Variants in CHSY3 observed in about 807,000 individuals in gnomAD.
The protein encoded by CHSY3 is chondroitin sulfate synthase 3, also known as N-acetylgalactosaminyl-proteoglycan 3-beta-glucuronosyltransferase 3.
In CHSY3, 35 loss-of-function variants were observed where a neutral mutation model predicts 67.2. That is an observed-to-expected ratio of 0.52 (90% CI 0.40 to 0.69). The LOEUF is 0.69. Ranked by LOEUF, CHSY3 falls within the 30% of genes least tolerant of loss-of-function variation. CHSY3 has a pLI of 0.00. For missense variants in CHSY3, 1,069 were observed against 1,138.5 expected, an observed-to-expected ratio of 0.94 and a Z score of 0.88; for synonymous variants, 474 against 434.7, an observed-to-expected ratio of 1.09 and a Z score of -1.12.
Position 129,951,847 on chromosome 5 carries a change from A to C in CHSY3, c.1086+43487A>C, listed in dbSNP as rs150150206. ...CAGGTATGTAATATTTTTTTAAATT[A>C]TCTGTTTTGGCAAACAATGTAATTA... On this transcript the variant is annotated intron_variant, in intron 2 of 2. Coordinates refer to ENST00000305031, the MANE Select transcript of CHSY3 (RefSeq NM_175856.5). 2.1e-3 allele frequency among the ~76,000 whole-genome samples: 319 copies of C among 152,324 alleles called. 1 individual carries two copies. The highest frequency in any genetic ancestry group is 6.5e-3 in the African/African-American group (269 of 41,572).
intron 2 of CHSY3, among the ~76,000 whole-genome samples, chr5:130,153,300 G>GA (rs1177168166): frequency 4.3e-4 from 63 of 146,488 alleles, no homozygotes; most frequent in East Asian, 7.9e-4. Context: ...CCATTCTTGA[G>GA]AAAAAAAAAA....
chr5:130,049,946 G>A (rs576561017), intron 2 of CHSY3, among the ~76,000 whole-genome samples: 3 of 152,014 alleles, frequency 2.0e-5, no homozygotes, highest in Admixed American at 6.6e-5. Flanking sequence ...GTACTTCTTC[G>A]ACTGCCTTGC....
At chr5:130,083,402 T>G (rs1330836646) in intron 2 of CHSY3, among the ~76,000 whole-genome samples, 2 of 152,072 alleles carry the variant, frequency 1.3e-5, no homozygotes, top group African/African-American at 4.8e-5. Context: ...TGTGTTAGCA[T>G]TTTATGGAAA....
At chr5:130,045,987 A>C (rs549026844) in intron 2 of CHSY3, among the ~76,000 whole-genome samples, 2 of 152,182 alleles carry the variant, frequency 1.3e-5, no homozygotes, top group Admixed American at 1.3e-4. Flanking sequence ...TTGTGGCTTC[A>C]ATCTACTCTT....
chr5:130,168,545 T>TAA (rs553373970), intron 2 of CHSY3, among the ~76,000 whole-genome samples: 144 of 152,210 alleles, frequency 9.5e-4, no homozygotes, highest in Non-Finnish European at 1.4e-3. Context: ...AGTCTTAAGT[T>TAA]ACGTTTTATT....
At chr5:130,028,787 T>C (rs1764628108) in intron 2 of CHSY3, among the ~76,000 whole-genome samples, 1 of 152,026 alleles carries the variant, frequency 6.6e-6, no homozygotes, top group Non-Finnish European at 1.5e-5. Flanking sequence ...TTCCATATCA[T>C]TTCTCTATCT....
At chr5:129,999,068 A>G (rs968974910) in intron 2 of CHSY3, among the ~76,000 whole-genome samples, 3 of 151,186 alleles carry the variant, frequency 2.0e-5, no homozygotes, top group African/African-American at 7.3e-5. Context: ...TAAAACCCTG[A>G]TCCATCTGGA....
chr5:129,991,301 A>G (rs999344436), intron 2 of CHSY3, among the ~76,000 whole-genome samples: 7 of 152,232 alleles, frequency 4.6e-5, no homozygotes, highest in African/African-American at 1.4e-4. Flanking sequence ...TGCCAGTTGG[A>G]CTTCTGGAGA....
At chr5:129,951,134 G>T (rs776555490) in intron 2 of CHSY3, among the ~76,000 whole-genome samples, 6 of 152,122 alleles carry the variant, frequency 3.9e-5, no homozygotes, top group Non-Finnish European at 5.9e-5. Flanking sequence ...AAAAATACAC[G>T]ATGGGGAAAG....
intron 2 of CHSY3, among the ~76,000 whole-genome samples, chr5:129,956,587 T>C (rs528331309): frequency 6.6e-6 from 1 of 152,310 alleles, no homozygotes; most frequent in African/African-American, 2.4e-5. Flanking sequence ...TTTTTGCTTT[T>C]GTTGCAATTG....
intron 2 of CHSY3, among the ~76,000 whole-genome samples, chr5:130,059,592 C>CT (rs1765644546): frequency 6.6e-6 from 1 of 152,098 alleles, no homozygotes; most frequent in African/African-American, 2.4e-5. Flanking sequence ...TGCAAAAACT[C>CT]TTTATCTATC....
At chr5:130,072,065 G>GT (rs1481636230) in intron 2 of CHSY3, among the ~76,000 whole-genome samples, 1 of 151,842 alleles carries the variant, frequency 6.6e-6, no homozygotes, top group African/African-American at 2.4e-5. Context: ...ATAGTATTGA[G>GT]TTTTTTTGAG....
intron 2 of CHSY3, among the ~76,000 whole-genome samples, chr5:130,108,804 G>A (rs1580740634): frequency 6.6e-6 from 1 of 151,756 alleles, no homozygotes; most frequent in East Asian, 1.9e-4. Flanking sequence ...CAATAGTTAA[G>A]CATTTTATCC....
intron 2 of CHSY3, among the ~76,000 whole-genome samples, chr5:130,017,046 G>A (rs1192240017): frequency 1.3e-5 from 2 of 152,168 alleles, no homozygotes; most frequent in Admixed American, 1.3e-4. Flanking sequence ...ATGAGATAAG[G>A]ACCAGGAAGA....
In CHSY3 at chr5:130,178,247, A is replaced by T. The variant is rs867141283; in HGVS notation, c.1087-5982A>T. 4.2e-4 allele frequency among the ~76,000 whole-genome samples: 29 copies of T among 69,182 alleles called. 1 individual carries two copies. Among genetic ancestry groups the T allele is most frequent in the African/African-American group, 2.1e-3 (27 of 12,946 alleles). 45.4% of individuals were successfully genotyped at this position (69,182 alleles called of 152,430 possible). On this transcript the variant is annotated intron_variant, in intron 2 of 2. Coordinates refer to ENST00000305031, the MANE Select transcript of CHSY3 (RefSeq NM_175856.5). ...TATATTTATATATATATATATATAT[A>T]TATATATTTTTTTTTTTTTTTTTCC...
At chr5:130,172,325 C>CTTTTT (rs148048268) in intron 2 of CHSY3, among the ~76,000 whole-genome samples, 1 of 30,206 alleles carries the variant, frequency 3.3e-5, no homozygotes. Flanking sequence ...CTTTTCTTTT[C>CTTTTT]TTTTTTTTTT....
At chr5:129,909,444 G>C (rs1452339726) in intron 2 of CHSY3, among the ~76,000 whole-genome samples, 1 of 151,912 alleles carries the variant, frequency 6.6e-6, no homozygotes, top group Admixed American at 6.5e-5. Flanking sequence ...TGTAAGTGTA[G>C]TCTCACTATA....
intron 2 of CHSY3, among the ~76,000 whole-genome samples, chr5:130,009,632 C>G (rs147865841): frequency 6.6e-5 from 10 of 152,196 alleles, no homozygotes; most frequent in Middle Eastern, 3.4e-3. Context: ...ATCAAATACA[C>G]ATATATCAAT....
At chr5:129,904,329 CT>C (rs1760139383), upstream of CHSY3, 3 of 153,416 alleles carry the variant, frequency 2.0e-5, no homozygotes, top group African/African-American at 7.2e-5. Flanking sequence ...GCGGCCCGCG[CT>C]TCTCTCCGGC....
Sources: allele counts gnomAD v4.1 joint callset (sites outside exome capture counted in the v4.1 genomes callset), GRCh38; gene constraint gnomAD v4.1.1; transcripts MANE v1.5; gene names NCBI Gene and HGNC (gene_info 2026-07-23, HGNC 2026-07-21).